MVB12B: variants seen among roughly 807,000 people sequenced by gnomAD.
MVB12B encodes the protein ESCRT-I complex subunit MVB12B.
MVB12B carries 16 observed loss-of-function variants against 41.6 expected under a neutral mutation model. That is an observed-to-expected ratio of 0.38 (90% CI 0.26 to 0.58). MVB12B has a LOEUF of 0.58. Among genes scored for constraint, MVB12B ranks in the 20% least tolerant of loss-of-function variants. The pLI is 0.62. For synonymous variants in MVB12B, 133 were observed against 139.7 expected, an observed-to-expected ratio of 0.95 and a Z score of 0.34; for missense variants, 274 against 380.2, an observed-to-expected ratio of 0.72 and a Z score of 2.32.
At position 126,340,614 on chromosome 9, in the gene MVB12B, C is replaced by T. The variant is rs768474662; in HGVS notation, c.188C>T (p.Pro63Leu). The T allele has an allele frequency of 9.3e-6, 15 of 1,613,956 alleles. No homozygotes were observed. Among genetic ancestry groups the T allele is most frequent in the East Asian group, 4.5e-5 (2 of 44,896 alleles). ...VGVVASRNRAPTGYDVVAQTA... is the reference protein window; with the variant it reads ...VGVVASRNRALTGYDVVAQTA... ...GTGGTGGCTTCTCGGAACCGAGCCC[C>T]GACAGGCTATGACGTAGTAAGTCAA... is the stretch of plus-strand genomic sequence containing the variant. The change falls in exon 2 of 10, where the codon CCG becomes CTG. Residue 63 changes from proline to leucine, a missense_variant. Coordinates refer to ENST00000361171, the MANE Select transcript of MVB12B (RefSeq NM_033446.3). The surrounding 1 kb of genome is among the most constrained non-coding windows in gnomAD (Gnocchi z 4.0).
At chr9:126,408,017 A>G (rs886417017) in intron 6 of MVB12B, 5 of 152,244 alleles carry the variant, frequency 3.3e-5, no homozygotes, top group South Asian at 2.1e-4. Flanking sequence ...TTGCCATTCA[A>G]TGTATGTTAA....
chr9:126,498,058 G>A (rs887312456), intron 9 of MVB12B, among the ~76,000 whole-genome samples: 10 of 152,180 alleles, frequency 6.6e-5, no homozygotes, highest in Non-Finnish European at 1.2e-4. Flanking sequence ...GCCATATGAC[G>A]TGGGCACTGT....
chr9:126,358,244 A>C (rs1829934623), intron 2 of MVB12B, among the ~76,000 whole-genome samples: 1 of 152,058 alleles, frequency 6.6e-6, no homozygotes, highest in South Asian at 2.1e-4. Context: ...AACACCAGGT[A>C]GTCTTTTAAC....
chr9:126,428,527 T>A (rs781710269), intron 7 of MVB12B, among the ~76,000 whole-genome samples: 1 of 151,596 alleles, frequency 6.6e-6, no homozygotes, highest in African/African-American at 2.4e-5. Context: ...ACCCGGGAAA[T>A]TGAAAATAAA....
chr9:126,501,825 C>T (rs1473454187), intron 9 of MVB12B, among the ~76,000 whole-genome samples: 2 of 152,152 alleles, frequency 1.3e-5, no homozygotes, highest in African/African-American at 2.4e-5. Context: ...GCGGCTCGCT[C>T]TGGGCAGCAG....
intron 2 of MVB12B, among the ~76,000 whole-genome samples, chr9:126,375,017 TC>T (rs1390937226): frequency 6.6e-6 from 1 of 152,228 alleles, no homozygotes; most frequent in East Asian, 1.9e-4. Flanking sequence ...GCATTTATTT[TC>T]CACTTTTTAA....
chr9:126,383,255 A>T (rs1438311773), intron 3 of MVB12B, among the ~76,000 whole-genome samples: 1 of 152,128 alleles, frequency 6.6e-6, no homozygotes, highest in Non-Finnish European at 1.5e-5. Context: ...ACAGATTCTT[A>T]ATTAGCTGAC....
At chr9:126,448,867 A>C (rs1274958360) in intron 7 of MVB12B, among the ~76,000 whole-genome samples, 102 of 152,164 alleles carry the variant, frequency 6.7e-4, no homozygotes, top group Admixed American at 6.6e-3. Context: ...TCAACGTGAA[A>C]TTTGGAGGGG....
intron 7 of MVB12B, among the ~76,000 whole-genome samples, chr9:126,466,600 A>C (rs1000053605): frequency 6.6e-6 from 1 of 152,188 alleles, no homozygotes. Flanking sequence ...GCACCAAAGA[A>C]GACTTCCGGC....
At position 126,410,172 on chromosome 9, in the gene MVB12B, TGC is replaced by T. The variant is rs1491341253; in HGVS notation, c.663-11681_663-11680del. On this transcript the variant is annotated intron_variant, in intron 6 of 9. Coordinates refer to ENST00000361171, the MANE Select transcript of MVB12B (RefSeq NM_033446.3). ...GTGTGTGTGTGTGTGTGTGTGTGTGTGCACGCATGCACGCGCATGCATGCATG... is the reference window on the plus strand; with the variant it reads ...GTGTGTGTGTGTGTGTGTGTGTGTGTACGCATGCACGCGCATGCATGCATG... Among the ~76,000 whole-genome samples the T allele has an allele frequency of 3.8e-4, 48 of 127,668 alleles. No homozygotes were observed. In the East Asian group the frequency reaches 6.9e-3, roughly 18 times the overall value. 83.8% of individuals were successfully genotyped at this position (127,668 alleles called of 152,430 possible).
rs912875277 is a variant in MVB12B at position 126,377,000 on chromosome 9, GC to G, written c.205-4059del. Among the ~76,000 whole-genome samples the G allele has an allele frequency of 8.1e-5, 9 of 111,132 alleles. No individual in the cohort carries two copies. Among genetic ancestry groups the G allele is most frequent in the African/African-American group, 2.1e-4 (6 of 28,492 alleles). 72.9% of individuals were successfully genotyped at this position (111,132 alleles called of 152,430 possible). ...CCACGGGCCCCTTAGGTCACAACCC[GC>G]CCCCTCCCCCACACTTGCTAAATCC... is the stretch of plus-strand genomic sequence containing the variant. On this transcript the variant is annotated intron_variant, in intron 2 of 9. Coordinates refer to ENST00000361171, the MANE Select transcript of MVB12B (RefSeq NM_033446.3). This position sits in a 1 kb window ranked among gnomAD's most constrained non-coding sequence, Gnocchi z 4.1.
At chr9:126,453,907 G>A (rs532700548) in intron 7 of MVB12B, among the ~76,000 whole-genome samples, 7 of 152,298 alleles carry the variant, frequency 4.6e-5, no homozygotes, top group African/African-American at 1.7e-4. Context: ...CTGGGACAAG[G>A]GCTCACCAGG....
chr9:126,475,140 C>G (rs1329083657), intron 7 of MVB12B, among the ~76,000 whole-genome samples: 2 of 152,216 alleles, frequency 1.3e-5, no homozygotes, highest in Admixed American at 6.5e-5. Context: ...CTTCATGGGT[C>G]TCTAGTGAAC....
intron 6 of MVB12B, among the ~76,000 whole-genome samples, chr9:126,409,287 T>C (rs951171841): frequency 6.8e-6 from 1 of 148,034 alleles, no homozygotes; most frequent in South Asian, 2.1e-4. Flanking sequence ...TCATCACTTT[T>C]GGTGAGTAAC....
rs562886285 is a variant in MVB12B at position 126,478,633 on chromosome 9, C to T, written c.758-2736C>T. Reference sequence around the variant, plus strand: ...GTCAGGTGCAAGGGGCCAGGGCCTTCAATGCCAGTCGAGACCCCCATCTTG... The same window carrying T: ...GTCAGGTGCAAGGGGCCAGGGCCTTTAATGCCAGTCGAGACCCCCATCTTG... On this transcript the variant is annotated intron_variant, in intron 7 of 9. Transcript: ENST00000361171. The surrounding 1 kb of genome is among the most constrained non-coding windows in gnomAD (Gnocchi z 4.2). 6.6e-6 allele frequency among the ~76,000 whole-genome samples: 1 copy of T among 152,270 alleles called. No individual in the cohort carries two copies. Among genetic ancestry groups the T allele is most frequent in the African/African-American group, 2.4e-5 (1 of 41,556 alleles).
intron 6 of MVB12B, among the ~76,000 whole-genome samples, chr9:126,403,655 A>C (rs998932129): frequency 6.6e-6 from 1 of 152,196 alleles, no homozygotes; most frequent in African/African-American, 2.4e-5. Flanking sequence ...ACCGTTCATC[A>C]AATTTGAGCA....
chr9:126,363,648 C>T (rs1408785567), intron 2 of MVB12B, among the ~76,000 whole-genome samples: 1 of 152,176 alleles, frequency 6.6e-6, no homozygotes, highest in African/African-American at 2.4e-5. Context: ...TTTTACTTAC[C>T]ACCAAGCGCT....
At chr9:126,354,140 C>T (rs1182126539) in intron 2 of MVB12B, among the ~76,000 whole-genome samples, 1 of 152,152 alleles carries the variant, frequency 6.6e-6, no homozygotes, top group Non-Finnish European at 1.5e-5. Flanking sequence ...CTGTCAGTTT[C>T]CAGTTTTTGT....
intron 9 of MVB12B, among the ~76,000 whole-genome samples, chr9:126,488,018 G>A (rs542427492): frequency 7.9e-5 from 12 of 152,260 alleles, no homozygotes; most frequent in African/African-American, 2.9e-4. Flanking sequence ...TCTGGCCAAC[G>A]GGCTCCTTCC....
Sources: allele counts gnomAD v4.1 joint callset (sites outside exome capture counted in the v4.1 genomes callset), GRCh38; gene constraint gnomAD v4.1.1; non-coding constraint Gnocchi (gnomAD v3.1); transcripts MANE v1.5; gene names NCBI Gene and HGNC (gene_info 2026-07-23, HGNC 2026-07-21).